Variants in MYT1 observed in about 807,000 individuals in gnomAD.
The protein encoded by MYT1 is myelin transcription factor I.
MYT1 carries 23 observed loss-of-function variants against 123.0 expected under a neutral mutation model. The ratio of observed to expected loss-of-function variants is 0.19; its 90% CI spans 0.13 to 0.26. The LOEUF (loss-of-function observed/expected upper bound fraction) is 0.26, where lower values mean the gene tolerates loss of function less well. Ranked by LOEUF, MYT1 falls within the 10% of genes least tolerant of loss-of-function variation. MYT1 has a pLI of 1.00. For synonymous variants in MYT1, 518 were observed against 575.3 expected (o/e 0.90, Z 1.43); for missense variants, 1,125 against 1,472.5 (o/e 0.76, Z 3.86).
chr20:64,198,286 CAAAAAAAA>C (rs34822167), intron 2 of MYT1, among the ~76,000 whole-genome samples: 1 of 23,830 alleles, frequency 4.2e-5, no homozygotes, highest in African/African-American at 1.1e-4. Context: ...GACTCCGTCT[CAAAAAAAA>C]AAAAAAAAAA....
At chr20:64,177,435 C>G (rs2145693326) in intron 1 of MYT1, among the ~76,000 whole-genome samples, 1 of 152,232 alleles carries the variant, frequency 6.6e-6, no homozygotes, top group East Asian at 1.9e-4. Context: ...CCCCTCGGTC[C>G]CATTTGTGTT....
chr20:64,233,642 G>C (rs1241695703), intron 19 of MYT1, among the ~76,000 whole-genome samples: 2 of 150,980 alleles, frequency 1.3e-5, no homozygotes, highest in Non-Finnish European at 2.9e-5. Context: ...ATTTTGGGCA[G>C]AGTAGGTGGG....
chr20:64,203,846 C>T lies in MYT1; in HGVS notation c.87-1189C>T, dbSNP rs972878843. On this transcript the variant is annotated intron_variant, in intron 4 of 22. Transcript: ENST00000328439. This position sits in a 1 kb window ranked among gnomAD's most constrained non-coding sequence, Gnocchi z 5.1. ...GGGGATGGCGTTCTTTTCCCCGGGT[C>T]CCAGGTATGGGGGCACCAGCCCTTA... Among the ~76,000 whole-genome samples the T allele has an allele frequency of 6.6e-6, 1 of 152,210 alleles. No individual in the cohort carries two copies. The highest frequency in any genetic ancestry group is 1.5e-5 in the Non-Finnish European group (1 of 68,042).
rs375310640 is a variant in MYT1, at chr20:64,221,778, C to T, written c.2242-115C>T. 2.2e-5 allele frequency: 24 copies of T among 1,076,910 alleles called. No homozygotes were observed. The East Asian group carries it at 2.8e-4, about 13-fold the overall frequency. The allele number at this position is 1,076,910 out of a possible 1,614,324, so 66.7% of individuals were successfully genotyped here. On this transcript the variant is annotated intron_variant, in intron 13 of 22. Transcript: ENST00000328439. ...CCCTTATCCAGAAGATAGGAGACTC[C>T]GGGAGATGCTTCTGTGGACACTGTC...
At chr20:64,172,019 C>G (rs1032358067) in intron 1 of MYT1, among the ~76,000 whole-genome samples, 8 of 152,250 alleles carry the variant, frequency 5.3e-5, no homozygotes, top group African/African-American at 1.7e-4. Context: ...CTGCCAGCCC[C>G]TCCTACTGGC....
Position 64,170,837 on chromosome 20 carries a change from G to C in MYT1, c.-99+6098G>C, listed in dbSNP as rs151255696. 4.0e-3 allele frequency among the ~76,000 whole-genome samples: 446 copies of C among 111,214 alleles called. 1 individual carries two copies. The highest frequency in any genetic ancestry group is 6.4e-3 in the Non-Finnish European group (357 of 56,184). 73.0% of individuals were successfully genotyped at this position (111,214 alleles called of 152,430 possible). A position where few individuals can be genotyped will look rare whatever the true frequency, so the allele number is the denominator to read the frequency against. ...TCATTCTCTCCCCATGACACAGATA[G>C]ACAAATTGGTCATATATATATATAT... is the stretch of plus-strand genomic sequence containing the variant. On this transcript the variant is annotated intron_variant, in intron 1 of 22. Coordinates refer to ENST00000328439, the MANE Select transcript of MYT1 (RefSeq NM_004535.3).
At chr20:64,211,140 C>T in intron 7 of MYT1, 66 bp from the exon 8 acceptor site, 3 of 1,553,772 alleles carry the variant, frequency 1.9e-6, no homozygotes, top group Non-Finnish European at 2.6e-6. Flanking sequence ...TCCTGAGCTA[C>T]CCCTGCCCCC....
chr20:64,182,195 T>G (rs543671018), intron 1 of MYT1, among the ~76,000 whole-genome samples: 1 of 152,190 alleles, frequency 6.6e-6, no homozygotes, highest in Non-Finnish European at 1.5e-5. Context: ...AATGGCAAGA[T>G]GTAAGTTTAT....
chr20:64,195,401 C>CTTATTT, intron 2 of MYT1, among the ~76,000 whole-genome samples: 1 of 104,014 alleles, frequency 9.6e-6, no homozygotes, highest in East Asian at 2.8e-4. Context: ...TGTGTGTATA[C>CTTATTT]TTTTTTTTTT....
At chr20:64,230,006 G>T (rs1984273962) in intron 18 of MYT1, among the ~76,000 whole-genome samples, 1 of 152,108 alleles carries the variant, frequency 6.6e-6, no homozygotes, top group South Asian at 2.1e-4. Flanking sequence ...CACCCAAGAA[G>T]CACAGAGGCC....
chr20:64,222,096 TG>T (rs1984024288), intron 14 of MYT1, 49 bp downstream of exon 14: 1 of 1,604,662 alleles, frequency 6.2e-7, no homozygotes, highest in African/African-American at 1.3e-5. Context: ...CTCTGTGGCC[TG>T]GGGAGGAACA....
chr20:64,183,518 G>GTT (rs1982712598), intron 1 of MYT1, among the ~76,000 whole-genome samples: 1 of 152,110 alleles, frequency 6.6e-6, no homozygotes, highest in African/African-American at 2.4e-5. Flanking sequence ...GCCAACACTT[G>GTT]TTACTATCTG....
intron 13 of MYT1, 137 bp downstream of exon 13, chr20:64,220,119 G>A (rs1207784381): frequency 8.7e-6 from 12 of 1,383,040 alleles, no homozygotes; most frequent in Middle Eastern, 2.7e-4. Context: ...ATCCCTTTTC[G>A]TGAAGGGTCC....
intron 1 of MYT1, among the ~76,000 whole-genome samples, chr20:64,165,778 T>C (rs747435711): frequency 6.6e-5 from 10 of 152,026 alleles, no homozygotes; most frequent in Non-Finnish European, 1.2e-4. Flanking sequence ...ATGGCAGCGA[T>C]GATTATAATT....
rs1032537043 is a variant in MYT1 at position 64,212,527 on chromosome 20, G to T, written c.1517+389G>T. Among the ~76,000 whole-genome samples the T allele has an allele frequency of 6.6e-6, 1 of 152,194 alleles. No individual in the cohort carries two copies. Among genetic ancestry groups the T allele is most frequent in the African/African-American group, 2.4e-5 (1 of 41,446 alleles). On this transcript the variant is annotated intron_variant, in intron 9 of 22. Transcript: ENST00000328439. The surrounding 1 kb of genome is among the most constrained non-coding windows in gnomAD (Gnocchi z 6.8). Reference sequence around the variant, plus strand: ...CTACGAGCTCCCGAGAGAGCAGGGGGCGGCCTGCAGAGGAGGGAGCAATGC... The same window carrying T: ...CTACGAGCTCCCGAGAGAGCAGGGGTCGGCCTGCAGAGGAGGGAGCAATGC...
At chr20:64,180,617 A>G (rs975814874) in intron 1 of MYT1, among the ~76,000 whole-genome samples, 10 of 152,218 alleles carry the variant, frequency 6.6e-5, no homozygotes, top group Admixed American at 5.2e-4. Flanking sequence ...CTCACTGGCC[A>G]GTTGCCCAGG....
intron 1 of MYT1, among the ~76,000 whole-genome samples, 170 bp downstream of exon 1, chr20:64,164,909 C>CG (rs2145683840): frequency 6.6e-6 from 1 of 152,114 alleles, no homozygotes; most frequent in South Asian, 2.1e-4. Flanking sequence ...CTCTGGAGGA[C>CG]GGGGGCTTTC....
At chr20:64,183,659 A>G (rs529995036) in intron 1 of MYT1, among the ~76,000 whole-genome samples, 1 of 152,164 alleles carries the variant, frequency 6.6e-6, no homozygotes, top group Non-Finnish European at 1.5e-5. Context: ...ATCTTTGGAG[A>G]AATGTCTGTT....
Position 64,232,472 on chromosome 20 carries a change from C to T in MYT1, c.2897+87C>T, listed in dbSNP as rs551704660. The T allele has an allele frequency of 1.2e-4, 164 of 1,328,542 alleles. 6 individuals are homozygous for T. The South Asian group carries it at 1.8e-3, about 15-fold the overall frequency. 82.3% of individuals were successfully genotyped at this position (1,328,542 alleles called of 1,614,324 possible). ...GGGGCTGAAGCTCCTGAGGGAGGGC[C>T]AGACCAGGGCTCCGTGTGACCAGAG... On this transcript the variant is annotated intron_variant, in intron 19 of 22. Coordinates refer to ENST00000328439, the MANE Select transcript of MYT1 (RefSeq NM_004535.3). The surrounding 1 kb of genome is among the most constrained non-coding windows in gnomAD (Gnocchi z 6.9).
Sources: gnomAD v4.1 joint callset for allele counts (sites outside exome capture counted in the v4.1 genomes callset) on GRCh38, gnomAD v4.1.1 for gene constraint, Gnocchi (gnomAD v3.1) non-coding constraint, MANE v1.5 for transcripts, NCBI Gene and HGNC (gene_info 2026-07-23, HGNC 2026-07-21) for gene names.